The following TMPRSS15 variants were observed in gnomAD, a reference collection of about 807,000 sequenced individuals.
The protein encoded by TMPRSS15 is transmembrane serine protease 15, also known as enteropeptidase.
Under a neutral mutation model 125.3 loss-of-function variants are expected in TMPRSS15, and 128 were observed. That is an observed-to-expected ratio of 1.02 (90% CI 0.89 to 1.18). TMPRSS15 has a LOEUF of 1.18. Among genes scored for constraint, TMPRSS15 ranks in the 50% most tolerant of loss-of-function variants. The probability of loss-of-function intolerance (pLI) is 0.00; values close to 1 mark genes in which losing one functional copy is unlikely to be tolerated. For missense variants in TMPRSS15, 1,283 were observed against 1,212.7 expected (o/e 1.06, Z -0.86); for synonymous variants, 446 against 423.2 (o/e 1.05, Z -0.66).
At position 18,281,025 on chromosome 21, in the gene TMPRSS15, A is replaced by ATT; in HGVS notation, c.2668+13_2668+14dup. ...TTGGCAGATAAGATGACTAAGAGTG[A>ATT]TTTTTTTTTTTTACCTGTGTAATTC... On this transcript the variant is annotated intron_variant, in intron 22 of 24. Transcript: ENST00000284885. 2 of 1,349,996 alleles carry ATT rather than the reference A, an allele frequency of 1.5e-6. No individual in the cohort carries two copies. Among genetic ancestry groups the ATT allele is most frequent in the Non-Finnish European group, 1.0e-6 (1 of 968,868 alleles). The allele number at this position is 1,349,996 out of a possible 1,614,324, so 83.6% of individuals were successfully genotyped here.
Position 18,403,551 on chromosome 21 carries a change from G to T in TMPRSS15, c.72C>A (p.Leu24=), listed in dbSNP as rs188790942. Residue 24 remains leucine (L), a synonymous_variant, in exon 1 of 25, where the codon CTC becomes CTA. Coordinates refer to ENST00000284885, the MANE Select transcript of TMPRSS15 (RefSeq NM_002772.3). ...LSSYEIMFAA[L]FAILVVLCAG... ...CACAGAGCACTACCAATATGGCAAAGAGAGCTGCAAACATGATTTCATAGG... is the reference window on the plus strand; with the variant it reads ...CACAGAGCACTACCAATATGGCAAATAGAGCTGCAAACATGATTTCATAGG... The T allele has an allele frequency of 2.0e-5, 33 of 1,614,180 alleles. No homozygotes were observed. In the East Asian group the frequency reaches 6.7e-4, roughly 33 times the overall value.
intron 19 of TMPRSS15, among the ~76,000 whole-genome samples, chr21:18,295,875 G>A (rs1019103624): frequency 1.3e-5 from 2 of 152,146 alleles, no homozygotes; most frequent in African/African-American, 4.8e-5. Flanking sequence ...AGAATAGGCC[G>A]GGCGCGGTGG....
Position 18,398,338 on chromosome 21 carries a change from A to G in TMPRSS15, c.146-9T>C, listed in dbSNP as rs558123831. On this transcript the variant is annotated splice_polypyrimidine_tract_variant and intron_variant, in intron 1 of 24. Coordinates refer to ENST00000284885, the MANE Select transcript of TMPRSS15 (RefSeq NM_002772.3). The stretch of plus-strand genomic sequence containing the variant: ...CTGTCCAAGTGCTGCACCTAGATAA[A>G]TTAATAAGGAAAAAACACTAAGATT... 33 of 1,613,250 alleles carry G rather than the reference A, an allele frequency of 2.0e-5. No individual in the cohort carries two copies. The South Asian group carries it at 3.3e-4, about 16-fold the overall frequency.
At position 18,403,493 on chromosome 21, in the gene TMPRSS15, T is replaced by G. The variant is rs779894465; in HGVS notation, c.130A>C (p.Lys44Gln). 1.2e-6 allele frequency: 2 copies of G among 1,614,148 alleles called. No homozygotes were observed. The highest frequency in any genetic ancestry group is 8.5e-7 in the Non-Finnish European group (1 of 1,180,002). Residue 44 changes from lysine (K) to glutamine (Q), a missense_variant, in exon 1 of 25, where the codon AAG becomes CAG. By Grantham distance (53) the Lys-to-Gln change is moderately conservative. Coordinates refer to ENST00000284885, the MANE Select transcript of TMPRSS15 (RefSeq NM_002772.3). Reference protein sequence around the residue: ...GLIAVSCLTIKESQRGAALGQ... With the variant: ...GLIAVSCLTIQESQRGAALGQ... The stretch of plus-strand genomic sequence containing the variant: ...TGTGACTTACCTCGTTGGGATTCCT[T>G]GATTGTCAGGCAGGATACTGCAATT...
chr21:18,292,168 A>C (rs2074845318), intron 21 of TMPRSS15, among the ~76,000 whole-genome samples: 1 of 152,234 alleles, frequency 6.6e-6, no homozygotes, highest in African/African-American at 2.4e-5. Context: ...GTTTTCTCCA[A>C]ATCAATGGAA....
At chr21:18,426,566 T>C (rs17002637) in intron 1 of TMPRSS15, among the ~76,000 whole-genome samples, 4,034 of 152,308 alleles carry the variant, frequency 0.026, 169 homozygotes, top group African/African-American at 0.092. Flanking sequence ...AAACAGCTCT[T>C]CTGAAGCATG....
At chr21:18,274,518 C>T (rs2074597390) in intron 24 of TMPRSS15, among the ~76,000 whole-genome samples, 1 of 152,130 alleles carries the variant, frequency 6.6e-6, no homozygotes, top group Admixed American at 6.5e-5. Flanking sequence ...CCTAATGTCA[C>T]ACAGGTCAAG....
At chr21:18,413,312 T>TCCTTCCTTCCTTCCTTCC (rs2076171590) in intron 1 of TMPRSS15, among the ~76,000 whole-genome samples, 2 of 94,798 alleles carry the variant, frequency 2.1e-5, no homozygotes. Flanking sequence ...TTTTCTTTCT[T>TCCTTCCTTCCTTCCTTCC]TTCCTTCCTT....
Position 18,383,782 on chromosome 21 carries a change from C to T in TMPRSS15, c.345-4G>A. 6.2e-7 allele frequency: 1 copy of T among 1,612,530 alleles called. No individual in the cohort carries two copies. The highest frequency in any genetic ancestry group is 1.3e-5 in the African/African-American group (1 of 74,998). ...TACGACTATAATGCTGCCATTTCTG[C>T]AAAGCAAAAGAGGATATAAGAGGAA... On this transcript the variant is annotated splice_region_variant and splice_polypyrimidine_tract_variant and intron_variant, in intron 3 of 24. Coordinates refer to ENST00000284885, the MANE Select transcript of TMPRSS15 (RefSeq NM_002772.3).
chr21:18,398,028 T>G (rs959081057), intron 2 of TMPRSS15, 82 bp from the exon 3 acceptor site: 1 of 1,238,890 alleles, frequency 8.1e-7, no homozygotes, highest in African/African-American at 1.5e-5. Flanking sequence ...AAGCAATCTT[T>G]ATGTTCTGCT....
At chr21:18,371,969 A>G (rs1800282276) in intron 6 of TMPRSS15, among the ~76,000 whole-genome samples, 1 of 152,002 alleles carries the variant, frequency 6.6e-6, no homozygotes, top group Non-Finnish European at 1.5e-5. Context: ...TTAATTAATT[A>G]ATATCTTTAA....
chr21:18,382,109 A>G lies in TMPRSS15; in HGVS notation c.496+1518T>C, dbSNP rs189815878. On this transcript the variant is annotated intron_variant, in intron 4 of 24. Coordinates refer to ENST00000284885, the MANE Select transcript of TMPRSS15 (RefSeq NM_002772.3). ...TATAAAGGTTAAGAGGGCAGACATT[A>G]GGATCAGACCACAGAGGTCAGAATG... 1.2e-4 allele frequency among the ~76,000 whole-genome samples: 18 copies of G among 152,286 alleles called. No homozygotes were observed. In the East Asian group the frequency reaches 3.5e-3, roughly 29 times the overall value.
At chr21:18,322,956 T>G (rs528325896) in intron 16 of TMPRSS15, among the ~76,000 whole-genome samples, 1 of 152,210 alleles carries the variant, frequency 6.6e-6, no homozygotes. Flanking sequence ...TGATTATAAA[T>G]TGTATGCTTG....
intron 10 of TMPRSS15, among the ~76,000 whole-genome samples, chr21:18,344,702 C>T (rs2075486909): frequency 6.6e-6 from 1 of 152,156 alleles, no homozygotes; most frequent in African/African-American, 2.4e-5. Flanking sequence ...TTCATTATTC[C>T]AACCAATGAT....
chr21:18,483,741 A>G (rs1979028480), intron 1 of TMPRSS15, among the ~76,000 whole-genome samples: 1 of 151,948 alleles, frequency 6.6e-6, no homozygotes, highest in Non-Finnish European at 1.5e-5. Context: ...ACTTTTAAAT[A>G]TATTTTTAAG....
At chr21:18,332,314 T>A in intron 13 of TMPRSS15, 141 bp from the exon 14 acceptor site, 1 of 733,962 alleles carries the variant, frequency 1.4e-6, no homozygotes. Flanking sequence ...TTAGGGTAAA[T>A]GCTGCAGTTT....
intron 1 of TMPRSS15, among the ~76,000 whole-genome samples, chr21:18,429,054 G>C (rs2076210627): frequency 6.6e-6 from 1 of 152,302 alleles, no homozygotes; most frequent in East Asian, 1.9e-4. Context: ...ATCAGCATCA[G>C]TGTGACCTGG....
chr21:18,277,024 C>T (rs1367482360), intron 23 of TMPRSS15, among the ~76,000 whole-genome samples: 1 of 151,992 alleles, frequency 6.6e-6, no homozygotes, highest in East Asian at 1.9e-4. Flanking sequence ...GCTCAGCCTC[C>T]CAAAGTGTTG....
chr21:18,421,932 A>G (rs2076192827), intron 1 of TMPRSS15, among the ~76,000 whole-genome samples: 1 of 152,132 alleles, frequency 6.6e-6, no homozygotes, highest in Admixed American at 6.6e-5. Flanking sequence ...TGGGACAGCT[A>G]AAACTACGAG....
Sources: gnomAD v4.1 joint callset for allele counts (sites outside exome capture counted in the v4.1 genomes callset) on GRCh38, gnomAD v4.1.1 for gene constraint, MANE v1.5 for transcripts, NCBI Gene and HGNC (gene_info 2026-07-23, HGNC 2026-07-21) for gene names.